The following MOGAT1 variants were observed in gnomAD, a reference collection of about 807,000 sequenced individuals.
The protein encoded by MOGAT1 is monoacylglycerol O-acyltransferase 1.
In MOGAT1, 32 loss-of-function variants were observed where a neutral mutation model predicts 31.4. The ratio of observed to expected loss-of-function variants is 1.02; its 90% CI spans 0.77 to 1.37. The LOEUF (loss-of-function observed/expected upper bound fraction) is 1.37. Ranked by LOEUF, MOGAT1 falls within the 40% of genes most tolerant of loss-of-function variation. The pLI is 0.00. For synonymous variants in MOGAT1, 145 were observed against 144.5 expected (o/e 1.00, Z -0.03); for missense variants, 426 against 402.0 (o/e 1.06, Z -0.51).
chr2:222,672,920 T>TTATTATTATTATTAC (rs1468819323), intron 1 of MOGAT1, among the ~76,000 whole-genome samples: 4 of 148,766 alleles, frequency 2.7e-5, no homozygotes, highest in African/African-American at 9.8e-5. Flanking sequence ...ATTATTATTA[T>TTATTATTATTATTAC]TATTATCTTT....
At chr2:222,694,208 T>C (rs975414968) in intron 3 of MOGAT1, among the ~76,000 whole-genome samples, 154 bp from the exon 4 acceptor site, 2 of 152,248 alleles carry the variant, frequency 1.3e-5, no homozygotes, top group Non-Finnish European at 2.9e-5. Context: ...ACTAAAGATT[T>C]GGCTATGAAA....
chr2:222,701,296 GGA>G (rs1356470808), intron 5 of MOGAT1, among the ~76,000 whole-genome samples: 2 of 94,598 alleles, frequency 2.1e-5, no homozygotes, highest in African/African-American at 8.3e-5. Context: ...GAGAGGAGGA[GGA>G]GGAGAGAGAG....
chr2:222,686,930 T>G (rs560259807), intron 1 of MOGAT1, among the ~76,000 whole-genome samples: 12 of 151,974 alleles, frequency 7.9e-5, no homozygotes, highest in Middle Eastern at 3.4e-3. Context: ...CTGGCCAACA[T>G]GGCAAAACCC....
intron 1 of MOGAT1, among the ~76,000 whole-genome samples, chr2:222,679,794 C>T (rs1458223241): frequency 2.0e-5 from 3 of 152,232 alleles, no homozygotes; most frequent in African/African-American, 7.2e-5. Flanking sequence ...CTATGTGCCA[C>T]ATGATCAAAC....
rs757625648 is a variant in MOGAT1, at chr2:222,694,492, C to A, written c.609C>A (p.Phe203Leu). ...CTCATCCTGGAAAGTTCACTCTGTT[C>A]ATCCGCCAGCGGAAAGGATTTGTTA... is the stretch of plus-strand genomic sequence containing the variant. ...LDAHPGKFTL[F>L]IRQRKGFVKI... The change falls in exon 4 of 6, where the codon TTC becomes TTA. Residue 203 changes from phenylalanine to leucine, a missense_variant. By Grantham distance (22) the Phe-to-Leu change is conservative. Coordinates refer to ENST00000446656, the MANE Select transcript of MOGAT1 (RefSeq NM_058165.3). 46 of 1,613,794 alleles carry A rather than the reference C, an allele frequency of 2.9e-5. No homozygotes were observed. In the Middle Eastern group the frequency reaches 1.5e-3, roughly 52 times the overall value.
rs34380001 is a variant in MOGAT1, at chr2:222,683,205, GAA to G, written c.95-5126_95-5125del. Among the ~76,000 whole-genome samples the G allele has an allele frequency of 2.5e-4, 33 of 133,906 alleles. 1 individual carries two copies. The highest frequency in any genetic ancestry group is 1.8e-4 in the Non-Finnish European group (11 of 62,178). 87.8% of individuals were successfully genotyped at this position (133,906 alleles called of 152,430 possible). ...AGTGACAAAGTGAGACCCTGTCTCAGAAAAAAAAAAAAAAGAAACAGACTTTA... is the reference window on the plus strand; with the variant it reads ...AGTGACAAAGTGAGACCCTGTCTCAGAAAAAAAAAAAAGAAACAGACTTTA... On this transcript the variant is annotated intron_variant, in intron 1 of 5. Transcript: ENST00000446656.
At chr2:222,683,675 C>T (rs1035946648) in intron 1 of MOGAT1, among the ~76,000 whole-genome samples, 1 of 151,390 alleles carries the variant, frequency 6.6e-6, no homozygotes, top group Non-Finnish European at 1.5e-5. Flanking sequence ...TTCAGTGAGC[C>T]GAGATCACAC....
At chr2:222,685,924 C>T (rs959563738) in intron 1 of MOGAT1, among the ~76,000 whole-genome samples, 17 of 152,134 alleles carry the variant, frequency 1.1e-4, no homozygotes, top group African/African-American at 3.6e-4. Context: ...TGATGTAAAA[C>T]ATGTAATGAG....
At chr2:222,679,220 ACT>A (rs1384096336) in intron 1 of MOGAT1, among the ~76,000 whole-genome samples, 2 of 151,736 alleles carry the variant, frequency 1.3e-5, no homozygotes, top group Non-Finnish European at 2.9e-5. Context: ...TTATTTCTAG[ACT>A]CTCTAGTCTG....
At chr2:222,697,410 T>C (rs1692851895) in intron 5 of MOGAT1, among the ~76,000 whole-genome samples, 2 of 152,092 alleles carry the variant, frequency 1.3e-5, no homozygotes, top group Admixed American at 1.3e-4. Context: ...TGGAAGAAAA[T>C]AGGAACTGAA....
At chr2:222,684,943 T>C (rs1220892708) in intron 1 of MOGAT1, among the ~76,000 whole-genome samples, 1 of 152,184 alleles carries the variant, frequency 6.6e-6, no homozygotes, top group Non-Finnish European at 1.5e-5. Flanking sequence ...AGATTACATT[T>C]ATAGAGAAAA....
At chr2:222,684,554 T>C (rs1400902455) in intron 1 of MOGAT1, among the ~76,000 whole-genome samples, 1 of 152,138 alleles carries the variant, frequency 6.6e-6, no homozygotes, top group Non-Finnish European at 1.5e-5. Flanking sequence ...CTGACAAAGA[T>C]GTTTCTGCTT....
chr2:222,672,186 T>C (rs143565243), intron 1 of MOGAT1, among the ~76,000 whole-genome samples: 2 of 152,182 alleles, frequency 1.3e-5, no homozygotes, highest in South Asian at 2.1e-4. Flanking sequence ...TCTACCAAAA[T>C]GTAACCATGA....
intron 1 of MOGAT1, among the ~76,000 whole-genome samples, chr2:222,687,134 AAAAAAGAAAGAAC>A (rs1692684630): frequency 1.0e-4 from 9 of 88,692 alleles, no homozygotes; most frequent in African/African-American, 3.7e-4. Flanking sequence ...AAAAAAAAAA[AAAAAAGAAAGAAC>A]AAGAAAGAAA....
chr2:222,689,325 G>T lies in MOGAT1; in HGVS notation c.334G>T (p.Gly112Ter), dbSNP rs1171509885. Reference sequence around the variant, plus strand: ...CTATATATTTGGGTTTCACCCCCATGGAATAATGGCAGTTGGAGCCTTTGG... The same window carrying T: ...CTATATATTTGGGTTTCACCCCCATTGAATAATGGCAGTTGGAGCCTTTGG... ...HNYIFGFHPH[G>*]IMAVGAFGNF... Residue 112 changes from glycine to a stop codon, truncating the protein, a stop_gained, in exon 3 of 6, where the codon GGA (glycine) becomes TGA (stop). Coordinates refer to ENST00000446656, the MANE Select transcript of MOGAT1 (RefSeq NM_058165.3). LOFTEE classifies it high-confidence loss of function. 4 of 1,614,014 alleles carry T rather than the reference G, an allele frequency of 2.5e-6. No homozygotes were observed. The highest frequency in any genetic ancestry group is 3.4e-6 in the Non-Finnish European group (4 of 1,179,870).
At chr2:222,681,592 C>G (rs1692581928) in intron 1 of MOGAT1, among the ~76,000 whole-genome samples, 1 of 152,110 alleles carries the variant, frequency 6.6e-6, no homozygotes, top group Admixed American at 6.6e-5. Flanking sequence ...TAGGCATGAT[C>G]AGTTACTAAC....
Position 222,689,384 on chromosome 2 carries a change from C to T in MOGAT1, c.393C>T (p.Asp131=), listed in dbSNP as rs747531505. The T allele has an allele frequency of 5.6e-6, 9 of 1,613,878 alleles. No individual in the cohort carries two copies. In the African/African-American group the frequency reaches 9.3e-5, roughly 17 times the overall value. ...NFSVNYSDFK[D]LFPGFTSYLH... ...CTGTAAATTATTCTGACTTCAAGGACCTGTTTCCTGGCTTTACTTCATATC... is the reference window on the plus strand; with the variant it reads ...CTGTAAATTATTCTGACTTCAAGGATCTGTTTCCTGGCTTTACTTCATATC... Residue 131 remains aspartate, a synonymous_variant, in exon 3 of 6, where the codon GAC becomes GAT. Coordinates refer to ENST00000446656, the MANE Select transcript of MOGAT1 (RefSeq NM_058165.3).
intron 3 of MOGAT1, among the ~76,000 whole-genome samples, chr2:222,693,830 C>T (rs538794147): frequency 3.2e-4 from 48 of 152,150 alleles, no homozygotes; most frequent in Admixed American, 1.4e-3. Context: ...CACAGTCAAA[C>T]GATATCACAT....
At chr2:222,680,038 A>G (rs1692554755) in intron 1 of MOGAT1, among the ~76,000 whole-genome samples, 1 of 152,228 alleles carries the variant, frequency 6.6e-6, no homozygotes, top group Middle Eastern at 3.4e-3. Flanking sequence ...CTCTCCTTCT[A>G]TTTTGCAGAA....
Sources: allele counts gnomAD v4.1 joint callset (sites outside exome capture counted in the v4.1 genomes callset), GRCh38; gene constraint gnomAD v4.1.1; transcripts MANE v1.5; gene names NCBI Gene and HGNC (gene_info 2026-07-23, HGNC 2026-07-21).